The following TLL1 variants were observed in gnomAD, a reference collection of about 807,000 sequenced individuals.
TLL1 encodes tolloid-like protein 1.
In TLL1, 49 loss-of-function variants were observed where a neutral mutation model predicts 128.2. That is an observed-to-expected ratio of 0.38 (90% CI 0.30 to 0.48). TLL1 has a LOEUF of 0.48. Ranked by LOEUF, TLL1 falls within the 20% of genes least tolerant of loss-of-function variation. TLL1 has a pLI of 0.96. For synonymous variants in TLL1, 454 were observed against 418.8 expected (o/e 1.08, Z -1.03); for missense variants, 1,123 against 1,242.0 (o/e 0.90, Z 1.44).
At chr4:165,997,688 G>C (rs1736947184) in intron 5 of TLL1, among the ~76,000 whole-genome samples, 1 of 152,110 alleles carries the variant, frequency 6.6e-6, no homozygotes, top group Non-Finnish European at 1.5e-5. Context: ...TAACTTTTCT[G>C]TATCAGGCCT....
In TLL1 at chr4:166,043,431, T is replaced by C. The variant is rs373489498; in HGVS notation, c.1524+12T>C. ...TTCAGTCCTTTGAGGTAAAGTCTTT[T>C]AGGCTATCTTCCTGGCAAATATTCT... On this transcript the variant is annotated intron_variant, in intron 12 of 20. Transcript: ENST00000061240. The C allele has an allele frequency of 1.1e-5, 17 of 1,613,946 alleles. No individual in the cohort carries two copies. Among genetic ancestry groups the C allele is most frequent in the East Asian group, 2.2e-5 (1 of 44,876 alleles).
intron 1 of TLL1, among the ~76,000 whole-genome samples, chr4:165,972,904 A>G (rs2110980824): frequency 6.6e-6 from 1 of 152,166 alleles, no homozygotes; most frequent in Middle Eastern, 3.4e-3. Context: ...TAAATGGTCT[A>G]TCTTTAGTGC....
At chr4:166,043,446 G>T (rs1179534441) in intron 12 of TLL1, 27 bp downstream of exon 12, 2 of 1,613,726 alleles carry the variant, frequency 1.2e-6, no homozygotes, top group Non-Finnish European at 1.7e-6. Context: ...TATCTTCCTG[G>T]CAAATATTCT....
chr4:166,080,382 A>C (rs982783242), intron 18 of TLL1, among the ~76,000 whole-genome samples: 1 of 152,184 alleles, frequency 6.6e-6, no homozygotes, highest in African/African-American at 2.4e-5. Context: ...AACAAAATTC[A>C]ATCCATAACA....
intron 13 of TLL1, among the ~76,000 whole-genome samples, chr4:166,056,326 G>A (rs1442659857): frequency 6.6e-6 from 1 of 151,670 alleles, no homozygotes; most frequent in East Asian, 1.9e-4. Context: ...TAACTCACAT[G>A]AGGTTATTCC....
intron 15 of TLL1, among the ~76,000 whole-genome samples, chr4:166,064,880 A>T (rs1740500045): frequency 6.6e-6 from 1 of 152,106 alleles, no homozygotes; most frequent in South Asian, 2.1e-4. Flanking sequence ...CAAAGCACAG[A>T]TCTTGCCCCA....
At chr4:166,065,383 CTTG>C (rs1740521837) in intron 15 of TLL1, among the ~76,000 whole-genome samples, 1 of 152,006 alleles carries the variant, frequency 6.6e-6, no homozygotes, top group African/African-American at 2.4e-5. Flanking sequence ...AGCCGAACTC[CTTG>C]TTGTTAATCA....
At chr4:166,086,386 T>C (rs13136785) in intron 18 of TLL1, among the ~76,000 whole-genome samples, 7,169 of 152,166 alleles carry the variant, frequency 0.047, 286 homozygotes, top group East Asian at 0.13. Flanking sequence ...TCTCATAGTA[T>C]GAGGGAGTGG....
intron 14 of TLL1, among the ~76,000 whole-genome samples, chr4:166,057,658 C>T (rs1334861529): frequency 6.6e-6 from 1 of 152,118 alleles, no homozygotes; most frequent in Non-Finnish European, 1.5e-5. Flanking sequence ...TTAATGGACT[C>T]ACAGTTCCAC....
intron 1 of TLL1, among the ~76,000 whole-genome samples, chr4:165,970,454 A>G (rs545625968): frequency 1.3e-5 from 2 of 152,286 alleles, no homozygotes; most frequent in South Asian, 2.1e-4. Context: ...CTATTTGAGA[A>G]TGTTAATTCC....
intron 5 of TLL1, among the ~76,000 whole-genome samples, chr4:165,997,655 C>G (rs189932341): frequency 1.3e-5 from 2 of 152,234 alleles, no homozygotes; most frequent in African/African-American, 2.4e-5. Context: ...ATAGTCAGCT[C>G]TTATTCATTT....
chr4:166,001,592 A>G (rs1737153535), intron 5 of TLL1, among the ~76,000 whole-genome samples: 1 of 152,100 alleles, frequency 6.6e-6, no homozygotes, highest in South Asian at 2.1e-4. Flanking sequence ...TGAGGTCAGG[A>G]GTTCAAGACC....
intron 1 of TLL1, among the ~76,000 whole-genome samples, chr4:165,882,272 G>T (rs1730997558): frequency 6.6e-6 from 1 of 152,008 alleles, no homozygotes; most frequent in African/African-American, 2.4e-5. Context: ...TACTATACGG[G>T]TATTATAATT....
chr4:165,923,523 G>A (rs560276815), intron 1 of TLL1, among the ~76,000 whole-genome samples: 2 of 141,756 alleles, frequency 1.4e-5, no homozygotes, highest in African/African-American at 5.3e-5. Context: ...CCGCCTCCCG[G>A]GTTCACGCCA....
At chr4:166,063,479 C>T (rs56882926) in intron 15 of TLL1, among the ~76,000 whole-genome samples, 71,660 of 151,958 alleles carry the variant, frequency 0.47, 19,553 homozygotes, top group African/African-American at 0.77. Context: ...GACCCAGCCA[C>T]CCCATTACGG....
chr4:166,015,502 T>C (rs1317013800), intron 8 of TLL1, among the ~76,000 whole-genome samples: 3 of 152,054 alleles, frequency 2.0e-5, no homozygotes, highest in Non-Finnish European at 2.9e-5. Flanking sequence ...TATATTGTTA[T>C]TGGGAAATTC....
intron 1 of TLL1, among the ~76,000 whole-genome samples, chr4:165,974,036 G>A (rs1735753545): frequency 6.6e-6 from 1 of 151,158 alleles, no homozygotes; most frequent in Non-Finnish European, 1.5e-5. Flanking sequence ...CATGTGTCTG[G>A]GTTTCAAAGT....
chr4:166,072,437 T>C (rs1213623392), intron 16 of TLL1, among the ~76,000 whole-genome samples: 1 of 151,950 alleles, frequency 6.6e-6, no homozygotes, highest in Non-Finnish European at 1.5e-5. Context: ...CTCTGCTTTC[T>C]CTTCTTCCAA....
At chr4:166,036,673 C>T (rs1739015970) in intron 9 of TLL1, among the ~76,000 whole-genome samples, 2 of 151,888 alleles carry the variant, frequency 1.3e-5, no homozygotes, top group South Asian at 2.1e-4. Flanking sequence ...TTTTAAAGGA[C>T]TCTGTGTTTT....
Sources: gnomAD v4.1 joint callset for allele counts (sites outside exome capture counted in the v4.1 genomes callset) on GRCh38, gnomAD v4.1.1 for gene constraint, MANE v1.5 for transcripts, NCBI Gene and HGNC (gene_info 2026-07-23, HGNC 2026-07-21) for gene names.